The following CASD1 variants were observed in gnomAD, a reference collection of about 807,000 sequenced individuals.
CASD1 encodes the protein N-acetylneuraminate (7)9-O-acetyltransferase.
In CASD1, 41 loss-of-function variants were observed where a neutral mutation model predicts 100.0. The ratio of observed to expected loss-of-function variants is 0.41; its 90% CI spans 0.32 to 0.53. CASD1 has a LOEUF of 0.53. Among genes scored for constraint, CASD1 ranks in the 20% least tolerant of loss-of-function variants. The pLI is 0.25. For missense variants in CASD1, 774 were observed against 948.7 expected, an observed-to-expected ratio of 0.82 and a Z score of 2.42; for synonymous variants, 321 against 315.6, an observed-to-expected ratio of 1.02 and a Z score of -0.18.
the CASD1 span, among the ~76,000 whole-genome samples, chr7:94,605,777 AC>A: frequency 6.6e-6 from 1 of 152,130 alleles, no homozygotes; most frequent in Non-Finnish European, 1.5e-5. Flanking sequence ...GAAACAAAAA[AC>A]AAAGGCAACA....
chr7:94,597,075 C>T, the CASD1 span: 1 of 151,944 alleles, frequency 6.6e-6, no homozygotes, highest in Non-Finnish European at 1.5e-5. Flanking sequence ...TTTATGATGA[C>T]CCATAATAGG....
the CASD1 span, chr7:94,626,648 TTTC>T: frequency 6.6e-6 from 1 of 152,002 alleles, no homozygotes; most frequent in African/African-American, 2.4e-5. Context: ...ATGGTTTCCA[TTTC>T]TTCTTTTTAA....
intron 3 of CASD1, 106 bp downstream of exon 3, chr7:94,518,429 T>C (rs1794084391): frequency 2.2e-6 from 2 of 923,200 alleles, no homozygotes; most frequent in South Asian, 2.1e-5. Context: ...GAAAAAATTT[T>C]ACTTTGATTT....
chr7:94,517,434 C>G (rs1794033996), intron 1 of CASD1, 126 bp from the exon 2 acceptor site: 1 of 531,420 alleles, frequency 1.9e-6, no homozygotes. Context: ...AACTGTGAAC[C>G]TGGGCGGTAC....
intron 11 of CASD1, 40 bp downstream of exon 11, chr7:94,544,570 A>G (rs1795582692): frequency 6.3e-7 from 1 of 1,585,916 alleles, no homozygotes. Context: ...CCAGTTGAAC[A>G]TACTTTCTTG....
the CASD1 span, chr7:94,626,481 T>C: frequency 2.0e-5 from 3 of 151,992 alleles, no homozygotes; most frequent in African/African-American, 7.2e-5. Context: ...TACCTCAACA[T>C]TTTTGTTGCT....
the CASD1 span, among the ~76,000 whole-genome samples, chr7:94,574,492 C>G: frequency 6.6e-6 from 1 of 152,056 alleles, no homozygotes; most frequent in Non-Finnish European, 1.5e-5. Flanking sequence ...TCCATCTCTT[C>G]TACATTTTCT....
the CASD1 span, chr7:94,619,269 C>T: frequency 4.2e-6 from 1 of 235,758 alleles, no homozygotes; most frequent in Non-Finnish European, 8.3e-6. Context: ...TATAATATTA[C>T]TGATCTTTTG....
the CASD1 span, among the ~76,000 whole-genome samples, chr7:94,567,741 T>C: frequency 1.3e-5 from 2 of 152,202 alleles, no homozygotes; most frequent in Non-Finnish European, 2.9e-5. Context: ...GAATAGGGAA[T>C]AAATTTAGAT....
the CASD1 span, among the ~76,000 whole-genome samples, chr7:94,605,654 G>A: frequency 6.6e-6 from 1 of 151,866 alleles, no homozygotes; most frequent in Non-Finnish European, 1.5e-5. Context: ...AAGACAATCA[G>A]TAAAAGACAG....
the CASD1 span, chr7:94,587,046 C>T: frequency 3.0e-6 from 3 of 984,688 alleles, no homozygotes; most frequent in Non-Finnish European, 3.6e-6. Context: ...AAAAGGAGAG[C>T]AAAGCTTTCT....
chr7:94,592,640 A>C, the CASD1 span, among the ~76,000 whole-genome samples: 2 of 152,192 alleles, frequency 1.3e-5, no homozygotes, highest in African/African-American at 4.8e-5. Context: ...TGCAAGAGTA[A>C]TAACTTGCAA....
At chr7:94,533,547 C>A in intron 6 of CASD1, 132 bp from the exon 7 acceptor site, 2 of 708,342 alleles carry the variant, frequency 2.8e-6, no homozygotes, top group Non-Finnish European at 4.2e-6. Flanking sequence ...ACTAATTTGA[C>A]TGAATTTTAT....
the CASD1 span, among the ~76,000 whole-genome samples, chr7:94,605,017 T>G: frequency 2.0e-5 from 3 of 151,470 alleles, no homozygotes; most frequent in East Asian, 5.8e-4. Context: ...ATTCTTCCCC[T>G]CCCACAACAC....
chr7:94,546,680 G>A (rs1385070941), intron 12 of CASD1, among the ~76,000 whole-genome samples: 1 of 151,834 alleles, frequency 6.6e-6, no homozygotes, highest in Non-Finnish European at 1.5e-5. Context: ...TCCATTAGGG[G>A]GTTTAAGCTT....
chr7:94,596,766 G>A, the CASD1 span, among the ~76,000 whole-genome samples: 3 of 152,100 alleles, frequency 2.0e-5, no homozygotes, highest in African/African-American at 7.2e-5. Flanking sequence ...TTAGCTACAG[G>A]ATTTGTTTCA....
At chr7:94,564,186 A>G in the CASD1 span, among the ~76,000 whole-genome samples, 1 of 152,236 alleles carries the variant, frequency 6.6e-6, no homozygotes, top group African/African-American at 2.4e-5. Flanking sequence ...CTAAGCCAGT[A>G]GACATGTACC....
At position 94,510,104 on chromosome 7, in the gene CASD1, A is replaced by G; in HGVS notation, c.20A>G (p.Asn7Ser). 1.3e-6 allele frequency: 2 copies of G among 1,528,092 alleles called. No individual in the cohort carries two copies. The highest frequency in any genetic ancestry group is 1.8e-6 in the Non-Finnish European group (2 of 1,136,108). The allele number at this position is 1,528,092 out of a possible 1,614,324, so 94.7% of individuals were successfully genotyped here. ...ACCAAGATGGCGGCTCTGGCCTACA[A>G]CCTGGGCAAGCGGGAGATCAACCAC... MAALAY[N>S]LGKREINHYF... Residue 7 changes from asparagine (N) to serine (S), a missense_variant, in exon 1 of 18, where the codon AAC (asparagine) becomes AGC (serine). By Grantham distance (46) the Asn-to-Ser change is conservative. Around this residue, in one of 5 missense-constraint regions of CASD1, gnomAD observed 75 missense variants for 60.9 expected, o/e 1.23. Transcript: ENST00000297273.
At chr7:94,593,312 G>A in the CASD1 span, among the ~76,000 whole-genome samples, 1 of 151,820 alleles carries the variant, frequency 6.6e-6, no homozygotes, top group Admixed American at 6.6e-5. Context: ...TTTTTGTGTA[G>A]CAAATTAATA....
Sources: gnomAD v4.1 joint callset for allele counts (sites outside exome capture counted in the v4.1 genomes callset) on GRCh38, gnomAD v4.1.1 for gene constraint, gnomAD v4.1.1 regional missense constraint, MANE v1.5 for transcripts, NCBI Gene and HGNC (gene_info 2026-07-23, HGNC 2026-07-21) for gene names.